The following PCCA variants were observed in gnomAD, a reference collection of about 807,000 sequenced individuals.
PCCA encodes propionyl-CoA carboxylase subunit alpha, also known as propionyl-CoA carboxylase alpha chain, mitochondrial.
In PCCA, 74 loss-of-function variants were observed where a neutral mutation model predicts 101.3. That is an observed-to-expected ratio of 0.73 (90% CI 0.61 to 0.89). The LOEUF is 0.89. PCCA is among the 40% of genes least tolerant of loss of function. The probability of loss-of-function intolerance (pLI) is 0.00; values close to 1 mark genes in which losing one functional copy is unlikely to be tolerated. For synonymous variants in PCCA, 294 were observed against 313.6 expected, an observed-to-expected ratio of 0.94 and a Z score of 0.66; for missense variants, 891 against 907.0, an observed-to-expected ratio of 0.98 and a Z score of 0.23.
chr13:100,189,039 C>T (rs1236116876), intron 6 of PCCA, among the ~76,000 whole-genome samples: 3 of 152,042 alleles, frequency 2.0e-5, no homozygotes, highest in African/African-American at 4.8e-5. Context: ...CATCTCCTAG[C>T]CCCCCACCCC....
chr13:100,304,607 T>A (rs947401681), intron 14 of PCCA, among the ~76,000 whole-genome samples: 3 of 152,170 alleles, frequency 2.0e-5, no homozygotes, highest in Non-Finnish European at 4.4e-5. Flanking sequence ...AGATGTCTGA[T>A]AGTTTCACAG....
intron 1 of PCCA, among the ~76,000 whole-genome samples, chr13:100,094,326 CA>C (rs925243388): frequency 6.7e-6 from 1 of 149,040 alleles, no homozygotes. Flanking sequence ...GTGTTATATA[CA>C]AAAAATACTG....
chr13:100,347,939 T>TATAGAAGTAAATATG (rs1359008001), intron 18 of PCCA, among the ~76,000 whole-genome samples: 49 of 151,204 alleles, frequency 3.2e-4, no homozygotes, highest in African/African-American at 1.1e-3. Flanking sequence ...AATATAGTGT[T>TATAGAAGTAAATATG]CTTCTTCAGG....
chr13:100,274,942 G>A (rs1026550672), intron 12 of PCCA, among the ~76,000 whole-genome samples: 3 of 151,848 alleles, frequency 2.0e-5, no homozygotes, highest in African/African-American at 7.3e-5. Context: ...GGTGAGTGGG[G>A]GGATTATGGG....
In PCCA at chr13:100,164,159, A is replaced by G. The variant is rs575889277; in HGVS notation, c.468+6819A>G. Reference sequence around the variant, plus strand: ...TAAATTGATCTGTCAAATTTAAAATATAGAGACAAATCTCTAGATTAAATA... The same window carrying G: ...TAAATTGATCTGTCAAATTTAAAATGTAGAGACAAATCTCTAGATTAAATA... On this transcript the variant is annotated intron_variant, in intron 6 of 23. Coordinates refer to ENST00000376285, the MANE Select transcript of PCCA (RefSeq NM_000282.4). Among the ~76,000 whole-genome samples the G allele has an allele frequency of 4.6e-5, 7 of 152,376 alleles. No individual in the cohort carries two copies. In the South Asian group the frequency reaches 1.0e-3, roughly 23 times the overall value.
intron 12 of PCCA, among the ~76,000 whole-genome samples, chr13:100,296,543 T>C (rs2065549173): frequency 6.6e-6 from 1 of 152,152 alleles, no homozygotes; most frequent in Admixed American, 6.5e-5. Flanking sequence ...TGAGCCACCG[T>C]ACCCTGACGT....
chr13:100,437,995 T>C (rs888317861), intron 20 of PCCA, among the ~76,000 whole-genome samples: 1 of 152,074 alleles, frequency 6.6e-6, no homozygotes, highest in African/African-American at 2.4e-5. Flanking sequence ...TTAGTAGTCA[T>C]ATTAAAAAAG....
Position 100,154,976 on chromosome 13 carries a change from C to G in PCCA, c.301-3C>G, listed in dbSNP as rs773839392. On this transcript the variant is annotated splice_region_variant and splice_polypyrimidine_tract_variant and intron_variant, in intron 4 of 23. Coordinates refer to ENST00000376285, the MANE Select transcript of PCCA (RefSeq NM_000282.4). ...CTGTTAATGCAGAAATTTGTCTCCT[C>G]AGGTTCATGTGAAAATGGCGGATGA... 2.5e-6 allele frequency: 4 copies of G among 1,608,482 alleles called. No homozygotes were observed. Among genetic ancestry groups the G allele is most frequent in the Non-Finnish European group, 3.4e-6 (4 of 1,174,906 alleles).
chr13:100,460,402 A>G lies in PCCA; in HGVS notation c.1899+11097A>G, dbSNP rs1369535054. 3.3e-5 allele frequency among the ~76,000 whole-genome samples: 5 copies of G among 152,320 alleles called. No individual in the cohort carries two copies. The East Asian group carries it at 9.6e-4, about 29-fold the overall frequency. ...CAGTGAGACTGACTTTTTTTCCCTTATAAAAACAATGTTTGTATGAAAGAG... is the reference window on the plus strand; with the variant it reads ...CAGTGAGACTGACTTTTTTTCCCTTGTAAAAACAATGTTTGTATGAAAGAG... On this transcript the variant is annotated intron_variant, in intron 21 of 23. Coordinates refer to ENST00000376285, the MANE Select transcript of PCCA (RefSeq NM_000282.4).
chr13:100,413,713 A>G (rs999206301), intron 19 of PCCA, among the ~76,000 whole-genome samples: 7 of 152,164 alleles, frequency 4.6e-5, no homozygotes, highest in African/African-American at 7.2e-5. Context: ...CACATGAACA[A>G]TTAGGTTACT....
intron 21 of PCCA, among the ~76,000 whole-genome samples, chr13:100,506,752 T>C (rs1283531365): frequency 6.6e-6 from 1 of 152,124 alleles, no homozygotes; most frequent in Non-Finnish European, 1.5e-5. Context: ...CAACTTGATA[T>C]GAGCAAAGAG....
intron 15 of PCCA, among the ~76,000 whole-genome samples, chr13:100,309,289 C>G (rs754358394): frequency 1.8e-4 from 28 of 152,122 alleles, no homozygotes; most frequent in African/African-American, 6.8e-4. Flanking sequence ...CCCAGCTTCT[C>G]GAGAGGCTGA....
At chr13:100,329,539 G>A (rs533084797) in intron 16 of PCCA, among the ~76,000 whole-genome samples, 11 of 152,244 alleles carry the variant, frequency 7.2e-5, no homozygotes, top group African/African-American at 2.2e-4. Flanking sequence ...TTCTACAGTC[G>A]TTTGGCATTT....
intron 19 of PCCA, among the ~76,000 whole-genome samples, chr13:100,378,691 C>T (rs948630350): frequency 1.3e-5 from 2 of 152,014 alleles, no homozygotes. Flanking sequence ...CTTTGAGATT[C>T]TTTCTTCTGC....
rs1472076343 is a variant in PCCA at position 100,402,558 on chromosome 13, C to T, written c.1747-23075C>T. ...CATGAGGGCCATGAAGGAATAATGC[C>T]CACCCTCACGAACTTCCAGCCTAGT... is the stretch of plus-strand genomic sequence containing the variant. On this transcript the variant is annotated intron_variant, in intron 19 of 23. Coordinates refer to ENST00000376285, the MANE Select transcript of PCCA (RefSeq NM_000282.4). 5.9e-5 allele frequency among the ~76,000 whole-genome samples: 9 copies of T among 152,184 alleles called. No homozygotes were observed. The South Asian group carries it at 1.7e-3, about 28-fold the overall frequency.
At chr13:100,115,236 T>C (rs141935261) in intron 4 of PCCA, among the ~76,000 whole-genome samples, 1 of 151,506 alleles carries the variant, frequency 6.6e-6, no homozygotes, top group East Asian at 1.9e-4. Flanking sequence ...ATTGGACTCA[T>C]AGAGAGAGAG....
intron 12 of PCCA, among the ~76,000 whole-genome samples, chr13:100,296,430 T>TA (rs58661127): frequency 6.6e-6 from 1 of 150,702 alleles, no homozygotes; most frequent in Non-Finnish European, 1.5e-5. Context: ...TTTTTTTTTT[T>TA]AAATAGAGAC....
At chr13:100,449,369 C>A in intron 21 of PCCA, 64 bp downstream of exon 21, 1 of 982,796 alleles carries the variant, frequency 1.0e-6, no homozygotes, top group Non-Finnish European at 1.5e-6. Context: ...CTAGTTGTAG[C>A]TCATGTGTTT....
chr13:100,302,970 A>G lies in PCCA; in HGVS notation c.1256A>G (p.Gln419Arg), dbSNP rs1354443931. Residue 419 changes from glutamine to arginine, a missense_variant, in exon 14 of 24, where the codon CAG (glutamine) becomes CGG (arginine). Physicochemically the swap from Gln to Arg is conservative, Grantham distance 43. Transcript: ENST00000376285. ...TTACCATCTATTGGGAGATTGTCTC[A>G]GTACCAAGAACCGTTACATCTACCT... ...FGLPSIGRLS[Q>R]YQEPLHLPGV... The G allele has an allele frequency of 1.9e-6, 3 of 1,605,460 alleles. No homozygotes were observed. Among genetic ancestry groups the G allele is most frequent in the South Asian group, 1.1e-5 (1 of 90,898 alleles).
Sources: gnomAD v4.1 joint callset for allele counts (sites outside exome capture counted in the v4.1 genomes callset) on GRCh38, gnomAD v4.1.1 for gene constraint, MANE v1.5 for transcripts, NCBI Gene and HGNC (gene_info 2026-07-23, HGNC 2026-07-21) for gene names.